Variants in GRIK5 observed in about 807,000 individuals in gnomAD.
GRIK5 encodes the protein glutamate ionotropic receptor kainate type subunit 5.
A neutral mutation model predicts 97.4 loss-of-function variants in GRIK5; 43 were observed. The observed-to-expected ratio is 0.44, with a 90% CI of 0.35 to 0.57. GRIK5 has a LOEUF of 0.57. Ranked by LOEUF, GRIK5 falls within the 20% of genes least tolerant of loss-of-function variation. GRIK5 has a pLI of 0.01. For synonymous variants in GRIK5, 580 were observed against 583.5 expected (o/e 0.99, Z 0.09); for missense variants, 1,015 against 1,382.0 (o/e 0.73, Z 4.21).
chr19:42,058,968 C>T (rs867650443), intron 6 of GRIK5, among the ~76,000 whole-genome samples: 1 of 152,162 alleles, frequency 6.6e-6, no homozygotes, highest in Non-Finnish European at 1.5e-5. Context: ...GCATACTTTA[C>T]CTGCCCCTGC....
chr19:42,055,365 G>A (rs143680090), intron 8 of GRIK5, among the ~76,000 whole-genome samples: 19 of 152,330 alleles, frequency 1.2e-4, no homozygotes, highest in African/African-American at 3.6e-4. Flanking sequence ...TGTGCTCTGC[G>A]CGTAGAAGTG....
Position 42,022,196 on chromosome 19 carries a change from C to T in GRIK5, c.1587+45G>A. On this transcript the variant is annotated intron_variant, in intron 13 of 19. Transcript: ENST00000593562. The surrounding 1 kb of genome is among the most constrained non-coding windows in gnomAD (Gnocchi z 4.2). ...CTGGCTCCCACTCGCAGGCCCTGAG[C>T]CTCCATGCCAGGCAAGCAGCCCATG... 2 of 1,510,858 alleles carry T rather than the reference C, an allele frequency of 1.3e-6. No homozygotes were observed. Among genetic ancestry groups the T allele is most frequent in the Non-Finnish European group, 1.8e-6 (2 of 1,086,982 alleles). The allele number at this position is 1,510,858 out of a possible 1,614,324, so 93.6% of individuals were successfully genotyped here.
At chr19:42,028,653 C>T (rs755407210) in intron 12 of GRIK5, among the ~76,000 whole-genome samples, 3 of 152,268 alleles carry the variant, frequency 2.0e-5, no homozygotes, top group Non-Finnish European at 4.4e-5. Context: ...CCACAGAGCC[C>T]TTCCTCTAAG....
intron 19 of GRIK5, chr19:42,001,986 C>A (rs1223090346): frequency 3.3e-6 from 2 of 611,388 alleles, no homozygotes; most frequent in East Asian, 2.7e-5. Context: ...AGAAACCCAA[C>A]GAGGGAGCCT....
chr19:42,003,625 C>A lies in GRIK5; in HGVS notation c.2322G>T (p.Arg774=). 1 of 1,613,800 alleles carries A rather than the reference C, an allele frequency of 6.2e-7. No homozygotes were observed. The highest frequency in any genetic ancestry group is 8.5e-7 in the Non-Finnish European group (1 of 1,179,848). Residue 774 remains arginine (R), a synonymous_variant, in exon 18 of 20, where the codon CGG becomes CGT. Coordinates refer to ENST00000593562, the MANE Select transcript of GRIK5 (RefSeq NM_002088.5). The surrounding 1 kb of genome is among the most constrained non-coding windows in gnomAD (Gnocchi z 4.2). ...LAILQLQENN[R]LEILKRKWWE... is the part of the protein sequence containing the mutation. ...ACCACTTGCGCTTCAGGATCTCCAG[C>A]CGGTTGTTCTCCTGAAGCTGCAGGA...
In GRIK5 at chr19:42,042,510, C is replaced by T. The variant is rs770649666; in HGVS notation, c.1473+42G>A. 5.2e-6 allele frequency: 8 copies of T among 1,544,568 alleles called. No individual in the cohort carries two copies. The highest frequency in any genetic ancestry group is 2.3e-5 in the East Asian group (1 of 44,124). ...GCCCAGCTGCCCGCCCTCCCTCACT[C>T]GCCGGGTCCATGCATCTTTCCCGGC... is the stretch of plus-strand genomic sequence containing the variant. On this transcript the variant is annotated intron_variant, in intron 12 of 19. Coordinates refer to ENST00000593562, the MANE Select transcript of GRIK5 (RefSeq NM_002088.5). The surrounding 1 kb of genome is among the most constrained non-coding windows in gnomAD (Gnocchi z 6.9).
intron 15 of GRIK5, among the ~76,000 whole-genome samples, chr19:42,018,823 G>A (rs901915257): frequency 1.4e-4 from 21 of 152,272 alleles, no homozygotes; most frequent in Admixed American, 1.2e-3. Context: ...CCAGGCTGCT[G>A]CAGATCAGCT....
At chr19:42,013,567 A>C (rs924801540) in intron 15 of GRIK5, among the ~76,000 whole-genome samples, 6 of 151,532 alleles carry the variant, frequency 4.0e-5, no homozygotes, top group African/African-American at 1.5e-4. Flanking sequence ...CCGCCACCGC[A>C]CCCGGCTAAT....
rs1179314037 is a variant in GRIK5 at position 42,070,015 on chromosome 19, C to T, written c.-825G>A. ...GAGGGTGGGGTGTCCCAGGGGCTCC[C>T]GGTGCTGGGCCTCAGTGGGAGGGCC... On this transcript the variant is annotated 5_prime_UTR_variant, in exon 1 of 20. Transcript: ENST00000593562. Among the ~76,000 whole-genome samples, 2 of 151,960 alleles carry T rather than the reference C, an allele frequency of 1.3e-5. No individual in the cohort carries two copies. Among genetic ancestry groups the T allele is most frequent in the South Asian group, 4.1e-4 (2 of 4,830 alleles).
At chr19:42,023,714 C>A (rs1568896779) in intron 12 of GRIK5, among the ~76,000 whole-genome samples, 1 of 152,222 alleles carries the variant, frequency 6.6e-6, no homozygotes, top group East Asian at 1.9e-4. Context: ...AGGACAGGGG[C>A]TCTGCTCCCG....
intron 11 of GRIK5, among the ~76,000 whole-genome samples, chr19:42,049,931 C>A (rs370386975): frequency 4.0e-5 from 6 of 151,844 alleles, no homozygotes; most frequent in African/African-American, 1.2e-4. Context: ...ATTTTATTTA[C>A]GTATTTATTT....
chr19:42,067,157 C>T (rs991255910), intron 1 of GRIK5, among the ~76,000 whole-genome samples: 1 of 152,162 alleles, frequency 6.6e-6, no homozygotes, highest in Non-Finnish European at 1.5e-5. Context: ...CTGTGGGGGG[C>T]ACAGAATGCT....
At chr19:42,038,998 C>T (rs993367808) in intron 12 of GRIK5, among the ~76,000 whole-genome samples, 1 of 152,198 alleles carries the variant, frequency 6.6e-6, no homozygotes, top group African/African-American at 2.4e-5. Context: ...CTCCTGTCCT[C>T]TCCTGCATCC....
Position 42,042,832 on chromosome 19 carries a change from G to A in GRIK5, c.1270-77C>T. The A allele has an allele frequency of 9.1e-7, 1 of 1,104,302 alleles. No homozygotes were observed. The highest frequency in any genetic ancestry group is 1.4e-5 in the South Asian group (1 of 71,880). 68.4% of individuals were successfully genotyped at this position (1,104,302 alleles called of 1,614,324 possible). On this transcript the variant is annotated intron_variant, in intron 11 of 19. Transcript: ENST00000593562. The surrounding 1 kb of genome is among the most constrained non-coding windows in gnomAD (Gnocchi z 6.9). ...GTTGCGGATCCTGGAGCCCGGACCA[G>A]GCAGGTAGAGCAGGAATCTGCTTGC...
At chr19:42,061,572 T>C (rs1488172395) in intron 5 of GRIK5, among the ~76,000 whole-genome samples, 1 of 152,206 alleles carries the variant, frequency 6.6e-6, no homozygotes, top group Non-Finnish European at 1.5e-5. Context: ...TCCACCAGCC[T>C]ACCAGACATC....
At position 42,065,890 on chromosome 19, in the gene GRIK5, G is replaced by A. The variant is rs2076325054; in HGVS notation, c.-50-70C>T. On this transcript the variant is annotated intron_variant, in intron 1 of 19. Transcript: ENST00000593562. The surrounding 1 kb of genome is among the most constrained non-coding windows in gnomAD (Gnocchi z 5.8). ...GGATGGAACCCCTTGGAGGCCTGCTGGATGGGGTGGTCACAGAAGCCTTGG... is the reference window on the plus strand; with the variant it reads ...GGATGGAACCCCTTGGAGGCCTGCTAGATGGGGTGGTCACAGAAGCCTTGG... The A allele has an allele frequency of 2.6e-6, 2 of 762,058 alleles. No homozygotes were observed. The highest frequency in any genetic ancestry group is 1.6e-5 in the South Asian group (1 of 61,668). The allele number at this position is 762,058 out of a possible 1,614,324, so 47.2% of individuals were successfully genotyped here. A position where few individuals can be genotyped will look rare whatever the true frequency, so the allele number is the denominator to read the frequency against.
intron 11 of GRIK5, among the ~76,000 whole-genome samples, chr19:42,045,176 T>C (rs750392545): frequency 2.0e-5 from 3 of 152,240 alleles, no homozygotes; most frequent in Non-Finnish European, 4.4e-5. Flanking sequence ...AATATTGTGC[T>C]GCTTCTTCTA....
Position 42,022,485 on chromosome 19 carries a change from G to A in GRIK5, c.1474-131C>T, listed in dbSNP as rs757072016. On this transcript the variant is annotated intron_variant, in intron 12 of 19. Transcript: ENST00000593562. The surrounding 1 kb of genome is among the most constrained non-coding windows in gnomAD (Gnocchi z 4.2). Reference sequence around the variant, plus strand: ...GAGAGAGAGGTAGGGAGGGGGAGGGGCCAGGAGCATGGACTGACTCCAGGA... The same window carrying A: ...GAGAGAGAGGTAGGGAGGGGGAGGGACCAGGAGCATGGACTGACTCCAGGA... 175 of 1,471,802 alleles carry A rather than the reference G, an allele frequency of 1.2e-4. No individual in the cohort carries two copies. Among genetic ancestry groups the A allele is most frequent in the Non-Finnish European group, 1.4e-4 (157 of 1,110,504 alleles). The allele number at this position is 1,471,802 out of a possible 1,614,324, so 91.2% of individuals were successfully genotyped here. A position where few individuals can be genotyped will look rare whatever the true frequency, so the allele number is the denominator to read the frequency against.
rs2075455879 is a variant in GRIK5 at position 42,003,928 on chromosome 19, A to G, written c.2264-245T>C. Reference sequence around the variant, plus strand: ...GGACTCTCCATGGCTTCCTGTTGCAAGCTCCTCCCCTCGGCCACTCTCAGA... The same window carrying G: ...GGACTCTCCATGGCTTCCTGTTGCAGGCTCCTCCCCTCGGCCACTCTCAGA... On this transcript the variant is annotated intron_variant, in intron 17 of 19. Coordinates refer to ENST00000593562, the MANE Select transcript of GRIK5 (RefSeq NM_002088.5). The surrounding 1 kb of genome is among the most constrained non-coding windows in gnomAD (Gnocchi z 4.2). 6.6e-6 allele frequency among the ~76,000 whole-genome samples: 1 copy of G among 152,006 alleles called. No individual in the cohort carries two copies.
Sources: gnomAD v4.1 joint callset for allele counts (sites outside exome capture counted in the v4.1 genomes callset) on GRCh38, gnomAD v4.1.1 for gene constraint, Gnocchi (gnomAD v3.1) non-coding constraint, MANE v1.5 for transcripts, NCBI Gene and HGNC (gene_info 2026-07-23, HGNC 2026-07-21) for gene names.